Variants in RRM2B observed in about 807,000 individuals in gnomAD.
RRM2B encodes ribonucleoside-diphosphate reductase subunit M2 B.
Under a neutral mutation model 45.9 loss-of-function variants are expected in RRM2B, and 20 were observed. The ratio of observed to expected loss-of-function variants is 0.44; its 90% CI spans 0.31 to 0.63. The LOEUF is 0.63. RRM2B is among the 30% of genes least tolerant of loss of function. The pLI, the probability that RRM2B is intolerant of heterozygous loss-of-function variation, is 0.09. For missense variants in RRM2B, 320 were observed against 414.7 expected (o/e 0.77, Z 1.98); for synonymous variants, 124 against 132.3 (o/e 0.94, Z 0.43).
chr8:102,231,881 A>AG (rs1165721663), intron 2 of RRM2B, among the ~76,000 whole-genome samples: 2 of 151,760 alleles, frequency 1.3e-5, no homozygotes, highest in African/African-American at 2.4e-5. Flanking sequence ...AAAAAAAAAA[A>AG]AAAAAGAAAA....
At position 102,235,564 on chromosome 8, in the gene RRM2B, G is replaced by A. The variant is rs779862445; in HGVS notation, c.49-3260C>T. ...TAGAAGAGATAATGAATTCAGGCCC[G>A]GCGTGGTGCCTCACGCCTGTAATCC... On this transcript the variant is annotated intron_variant, in intron 1 of 8. Coordinates refer to ENST00000251810, the MANE Select transcript of RRM2B (RefSeq NM_015713.5). Among the ~76,000 whole-genome samples, 43 of 152,192 alleles carry A rather than the reference G, an allele frequency of 2.8e-4. 1 individual carries two copies. Among genetic ancestry groups the A allele is most frequent in the Non-Finnish European group, 5.4e-4 (37 of 68,050 alleles).
At chr8:102,226,343 T>TAA (rs1429049624) in intron 2 of RRM2B, among the ~76,000 whole-genome samples, 12 of 151,570 alleles carry the variant, frequency 7.9e-5, no homozygotes, top group Admixed American at 2.0e-4. Flanking sequence ...TATATATATA[T>TAA]AACATCATGT....
rs375785769 is a variant in RRM2B, at chr8:102,214,028, C to T, written c.789+26G>A. ...CAAACATCAGAGAAAGAGAGATGTG[C>T]TAATTACACAAACTTCCCGGTTTAC... is the stretch of plus-strand genomic sequence containing the variant. On this transcript the variant is annotated intron_variant, in intron 7 of 8. Transcript: ENST00000251810. 4.2e-6 allele frequency: 6 copies of T among 1,418,968 alleles called. No individual in the cohort carries two copies. The African/African-American group carries it at 7.1e-5, about 17-fold the overall frequency. The allele number at this position is 1,418,968 out of a possible 1,614,324, so 87.9% of individuals were successfully genotyped here.
At chr8:102,234,777 A>C in intron 1 of RRM2B, 1 of 153,824 alleles carries the variant, frequency 6.5e-6, no homozygotes, top group South Asian at 2.0e-4. Context: ...TTGAACCCAG[A>C]AGGCAGAGAT....
chr8:102,232,722 A>G (rs1354937033), intron 1 of RRM2B, among the ~76,000 whole-genome samples: 1 of 100,854 alleles, frequency 9.9e-6, no homozygotes, highest in Non-Finnish European at 2.0e-5. Context: ...AGCCTCTCTG[A>G]TAAGATTGCT....
At chr8:102,233,873 C>G (rs1188295145) in intron 1 of RRM2B, among the ~76,000 whole-genome samples, 1 of 152,030 alleles carries the variant, frequency 6.6e-6, no homozygotes, top group African/African-American at 2.4e-5. Flanking sequence ...GTGCATAGAT[C>G]AGAGTAGTGT....
rs944067523 is a variant in RRM2B at position 102,224,784 on chromosome 8, T to C, written c.455+101A>G. On this transcript the variant is annotated intron_variant, in intron 4 of 8. Transcript: ENST00000251810. ...AAAATATTATGCTCAGAAACTTCCA[T>C]ACTTGAATAATCTTTCCTTAACATT... 3 of 1,206,818 alleles carry C rather than the reference T, an allele frequency of 2.5e-6. No individual in the cohort carries two copies. The South Asian group carries it at 3.9e-5, about 16-fold the overall frequency. 74.8% of individuals were successfully genotyped at this position (1,206,818 alleles called of 1,614,324 possible). A position where few individuals can be genotyped will look rare whatever the true frequency, so the allele number is the denominator to read the frequency against.
At chr8:102,221,591 C>A (rs1465458347) in intron 5 of RRM2B, among the ~76,000 whole-genome samples, 3 of 152,306 alleles carry the variant, frequency 2.0e-5, no homozygotes, top group African/African-American at 7.2e-5. Flanking sequence ...CCACTCTACA[C>A]CCATTCAACT....
At chr8:102,217,440 A>C (rs2132548285) in intron 6 of RRM2B, among the ~76,000 whole-genome samples, 1 of 152,322 alleles carries the variant, frequency 6.6e-6, no homozygotes, top group South Asian at 2.1e-4. Flanking sequence ...AAAAGCAAAA[A>C]GTAATTATAT....
chr8:102,212,336 A>G lies in RRM2B; in HGVS notation c.903+440T>C. On this transcript the variant is annotated intron_variant, in intron 8 of 8. Transcript: ENST00000251810. ...GAAATTCAGGTACATTATCTCTGAT[A>G]AATGACAAAAATAACTTGAATAACT... Among the ~76,000 whole-genome samples the G allele has an allele frequency of 1.3e-5, 2 of 152,230 alleles. 1 individual carries two copies. Among genetic ancestry groups the G allele is most frequent in the African/African-American group, 4.8e-5 (2 of 41,456 alleles).
At chr8:102,238,346 G>T (rs771306287) in intron 1 of RRM2B, 3 of 363,606 alleles carry the variant, frequency 8.3e-6, no homozygotes, top group African/African-American at 6.4e-5. Context: ...TGAGGATTTC[G>T]TGTCCCCTTC....
At chr8:102,230,396 A>G (rs775218085) in intron 2 of RRM2B, among the ~76,000 whole-genome samples, 29 of 152,254 alleles carry the variant, frequency 1.9e-4, no homozygotes, top group Non-Finnish European at 3.7e-4. Context: ...CTTTGCTAAA[A>G]GATGCAAGTT....
At chr8:102,216,474 TG>T (rs1329504874) in intron 6 of RRM2B, among the ~76,000 whole-genome samples, 1 of 152,136 alleles carries the variant, frequency 6.6e-6, no homozygotes, top group Non-Finnish European at 1.5e-5. Flanking sequence ...TAAGCAAATT[TG>T]TATTTTATAT....
chr8:102,218,386 C>G (rs1375867810), intron 6 of RRM2B, among the ~76,000 whole-genome samples: 2 of 152,028 alleles, frequency 1.3e-5, no homozygotes, highest in South Asian at 4.2e-4. Context: ...TTTTAATTAC[C>G]AGGATACTCA....
intron 1 of RRM2B, chr8:102,238,346 G>C (rs771306287): frequency 1.1e-4 from 41 of 363,606 alleles, no homozygotes; most frequent in Non-Finnish European, 1.7e-4. Flanking sequence ...TGAGGATTTC[G>C]TGTCCCCTTC....
rs753056988 is a variant in RRM2B, at chr8:102,226,038, G to A, written c.205-4C>T. Reference sequence around the variant, plus strand: ...GGAGATCCTTTGATAAGTCGACCTGGAATAAAAAGATTTTCAAAAATTTTA... The same window carrying A: ...GGAGATCCTTTGATAAGTCGACCTGAAATAAAAAGATTTTCAAAAATTTTA... On this transcript the variant is annotated splice_region_variant and splice_polypyrimidine_tract_variant and intron_variant, in intron 2 of 8. Coordinates refer to ENST00000251810, the MANE Select transcript of RRM2B (RefSeq NM_015713.5). The A allele has an allele frequency of 1.3e-6, 2 of 1,569,134 alleles. No individual in the cohort carries two copies. Among genetic ancestry groups the A allele is most frequent in the Admixed American group, 3.3e-5 (2 of 59,940 alleles).
chr8:102,236,524 C>T (rs1393776938), intron 1 of RRM2B, among the ~76,000 whole-genome samples: 2 of 152,216 alleles, frequency 1.3e-5, no homozygotes, highest in African/African-American at 4.8e-5. Flanking sequence ...TTCAACAAGA[C>T]TTCACCAGCC....
At chr8:102,228,438 G>A (rs1206735994) in intron 2 of RRM2B, among the ~76,000 whole-genome samples, 1 of 152,198 alleles carries the variant, frequency 6.6e-6, no homozygotes, top group Non-Finnish European at 1.5e-5. Context: ...CAAGAGCGTG[G>A]GTGCCACAGG....
At chr8:102,228,080 C>G (rs1425254403) in intron 2 of RRM2B, among the ~76,000 whole-genome samples, 1 of 152,188 alleles carries the variant, frequency 6.6e-6, no homozygotes, top group African/African-American at 2.4e-5. Context: ...TAATGTTGCC[C>G]TTTCCAAAAC....
Sources: gnomAD v4.1 joint callset for allele counts (sites outside exome capture counted in the v4.1 genomes callset) on GRCh38, gnomAD v4.1.1 for gene constraint, MANE v1.5 for transcripts, NCBI Gene and HGNC (gene_info 2026-07-23, HGNC 2026-07-21) for gene names.